The following NUTM2B variants were observed in gnomAD, a reference collection of about 807,000 sequenced individuals.
NUTM2B encodes family with sequence similarity 22, member B.
In NUTM2B, 2 loss-of-function variants were observed where a neutral mutation model predicts 42.4. The ratio of observed to expected loss-of-function variants is 0.05; its 90% CI spans 0.02 to 0.15. The LOEUF (loss-of-function observed/expected upper bound fraction) is 0.15. Among genes scored for constraint, NUTM2B ranks in the 10% least tolerant of loss-of-function variants. The pLI, the probability that NUTM2B is intolerant of heterozygous loss-of-function variation, is 1.00. For synonymous variants in NUTM2B, 18 were observed against 402.4 expected, an observed-to-expected ratio of 0.04 and a Z score of 11.43; for missense variants, 58 against 952.6, an observed-to-expected ratio of 0.06 and a Z score of 12.36.
chr10:79,700,779 G>C (rs1459956417), upstream of NUTM2B, among the ~76,000 whole-genome samples: 1 of 152,214 alleles, frequency 6.6e-6, no homozygotes, highest in Non-Finnish European at 1.5e-5. Context: ...GGCCGGCCTC[G>C]CGCTGGAACC....
At position 79,709,587 on chromosome 10, in the gene NUTM2B, T is replaced by C. The variant is rs554050432; in HGVS notation, c.1212-213T>C. Among the ~76,000 whole-genome samples the C allele has an allele frequency of 8.5e-4, 110 of 129,404 alleles. 1 individual carries two copies. Among genetic ancestry groups the C allele is most frequent in the African/African-American group, 2.8e-3 (91 of 32,312 alleles). 84.9% of individuals were successfully genotyped at this position (129,404 alleles called of 152,430 possible). ...CCCTGAGTTGAGTCAGGAAGCCCCG[T>C]TGATGCCATGGGCTCTGCAGGGGCC... On this transcript the variant is annotated intron_variant, in intron 3 of 6. Transcript: ENST00000429828.
the NUTM2B span, among the ~76,000 whole-genome samples, chr10:79,693,974 C>T: frequency 2.0e-5 from 3 of 152,206 alleles, no homozygotes; most frequent in Non-Finnish European, 4.4e-5. Context: ...CACAAATCCT[C>T]GGGTGAGTCT....
chr10:79,700,576 C>T (rs1346592495), upstream of NUTM2B, among the ~76,000 whole-genome samples: 1 of 152,132 alleles, frequency 6.6e-6, no homozygotes, highest in Non-Finnish European at 1.5e-5. Context: ...GGGGTCGCCC[C>T]GTGGACACTG....
chr10:79,696,876 A>G, the NUTM2B span, among the ~76,000 whole-genome samples: 2 of 148,968 alleles, frequency 1.3e-5, no homozygotes, highest in African/African-American at 5.0e-5. Flanking sequence ...GCTCCCATAA[A>G]GGAGGTTTCC....
the NUTM2B span, among the ~76,000 whole-genome samples, chr10:79,695,471 C>T: frequency 3.3e-5 from 5 of 152,218 alleles, no homozygotes; most frequent in Admixed American, 2.6e-4. Flanking sequence ...ATTCTCAACA[C>T]TGGGTACCTG....
At chr10:79,709,395 G>A (rs554334654) in intron 3 of NUTM2B, among the ~76,000 whole-genome samples, 3 of 135,262 alleles carry the variant, frequency 2.2e-5, no homozygotes, top group South Asian at 3.0e-4. Context: ...TCCTGACCAG[G>A]AGTCTCCCAG....
rs1460487430 is a variant in NUTM2B at position 79,710,723 on chromosome 10, TAC to T, written c.1695_1696del (p.Ile566Ter). 3 of 1,417,232 alleles carry T rather than the reference TAC, an allele frequency of 2.1e-6. No homozygotes were observed. The African/African-American group carries it at 4.6e-5, about 22-fold the overall frequency. The allele number at this position is 1,417,232 out of a possible 1,614,324, so 87.8% of individuals were successfully genotyped here. ...GCCCCCAGACCCGGGCCTCCTGAGC[TAC>T]ATTGACAAGCTGTGTTCCCAGAAAG... On this transcript the variant is annotated frameshift_variant, in exon 5 of 7. Transcript: ENST00000429828. LOFTEE classifies it high-confidence loss of function.
upstream of NUTM2B, among the ~76,000 whole-genome samples, chr10:79,701,243 C>G (rs1840308704): frequency 6.6e-6 from 1 of 152,178 alleles, no homozygotes; most frequent in African/African-American, 2.4e-5. Flanking sequence ...ATACTTTCTT[C>G]TGACTCCATT....
chr10:79,693,906 G>A, the NUTM2B span, among the ~76,000 whole-genome samples: 246 of 152,262 alleles, frequency 1.6e-3, 6 homozygotes, highest in East Asian at 0.046. Flanking sequence ...TTATTGGCAA[G>A]AGGATTCACC....
At chr10:79,702,204 G>A (rs1840325128), upstream of NUTM2B, among the ~76,000 whole-genome samples, 1 of 152,128 alleles carries the variant, frequency 6.6e-6, no homozygotes, top group Non-Finnish European at 1.5e-5. Flanking sequence ...CTAAGATGGA[G>A]GTAGAGTTGC....
upstream of NUTM2B, among the ~76,000 whole-genome samples, chr10:79,699,399 A>G (rs1023145228): frequency 6.6e-5 from 10 of 151,986 alleles, no homozygotes; most frequent in Non-Finnish European, 1.5e-4. Context: ...TTCTCCAAAT[A>G]TAAACTCTCA....
At chr10:79,693,989 G>A in the NUTM2B span, among the ~76,000 whole-genome samples, 3 of 152,224 alleles carry the variant, frequency 2.0e-5, no homozygotes, top group African/African-American at 4.8e-5. Context: ...GAGTCTGAGG[G>A]AGGAGGTGGT....
chr10:79,705,655 GC>G (rs1244563963), intron 1 of NUTM2B, among the ~76,000 whole-genome samples: 1 of 138,280 alleles, frequency 7.2e-6, no homozygotes, highest in Non-Finnish European at 1.5e-5. Context: ...GCGGAGCACT[GC>G]CCTGGGGTAG....
upstream of NUTM2B, among the ~76,000 whole-genome samples, chr10:79,700,393 C>T (rs2259006): frequency 0.021 from 3,177 of 151,960 alleles, 22 homozygotes; most frequent in East Asian, 0.2. Context: ...GTGAAAGGCA[C>T]GGCCGAGACA....
the NUTM2B span, among the ~76,000 whole-genome samples, chr10:79,696,615 G>A: frequency 6.6e-6 from 1 of 152,180 alleles, no homozygotes; most frequent in African/African-American, 2.4e-5. Flanking sequence ...CTGCAGTAAG[G>A]AGGTGGAAAA....
upstream of NUTM2B, among the ~76,000 whole-genome samples, chr10:79,699,438 T>C (rs1320382994): frequency 6.6e-6 from 1 of 152,102 alleles, no homozygotes; most frequent in Non-Finnish European, 1.5e-5. Flanking sequence ...AAAACAGTTA[T>C]GACCTTCTTT....
chr10:79,711,872 A>G (rs1840505779), exon 7 of NUTM2B: 1 of 1,510,928 alleles, frequency 6.6e-7, no homozygotes, highest in Non-Finnish European at 8.9e-7. Flanking sequence ...TGCCCACCCC[A>G]GATGACTGCC....
chr10:79,702,638 G>A (rs1429723833), upstream of NUTM2B, among the ~76,000 whole-genome samples: 1 of 150,682 alleles, frequency 6.6e-6, no homozygotes, highest in Non-Finnish European at 1.5e-5. Flanking sequence ...CGGTCTGGCT[G>A]AAGGCCTCTT....
At chr10:79,700,710 C>T (rs1191065050), upstream of NUTM2B, among the ~76,000 whole-genome samples, 1 of 152,098 alleles carries the variant, frequency 6.6e-6, no homozygotes, top group Admixed American at 6.5e-5. Context: ...CCTTTGCTCT[C>T]GTGCTGCGCG....
Sources: gnomAD v4.1 joint callset for allele counts (sites outside exome capture counted in the v4.1 genomes callset) on GRCh38, gnomAD v4.1.1 for gene constraint, MANE v1.5 for transcripts, NCBI Gene and HGNC (gene_info 2026-07-23, HGNC 2026-07-21) for gene names.